The following ETV6 variants were observed in gnomAD, a reference collection of about 807,000 sequenced individuals.
ETV6 encodes the protein ETS variant transcription factor 6, also known as transcription factor ETV6.
Under a neutral mutation model 51.1 loss-of-function variants are expected in ETV6, and 16 were observed. The observed-to-expected ratio is 0.31, with a 90% CI of 0.21 to 0.48. ETV6 has a LOEUF of 0.48. ETV6 is among the 20% of genes least tolerant of loss of function. ETV6 has a pLI of 0.99. For synonymous variants in ETV6, 240 were observed against 224.1 expected, an observed-to-expected ratio of 1.07 and a Z score of -0.64; for missense variants, 458 against 594.8, an observed-to-expected ratio of 0.77 and a Z score of 2.39.
At chr12:11,794,079 C>G (rs1248569130) in intron 2 of ETV6, among the ~76,000 whole-genome samples, 2 of 152,172 alleles carry the variant, frequency 1.3e-5, no homozygotes, top group African/African-American at 4.8e-5. Flanking sequence ...GCCCACAGCA[C>G]TGACGCCCGC....
chr12:11,817,096 A>G (rs977501607), intron 2 of ETV6, among the ~76,000 whole-genome samples: 1 of 152,222 alleles, frequency 6.6e-6, no homozygotes, highest in African/African-American at 2.4e-5. Context: ...CCCCGGTTCC[A>G]GCACTCACTG....
At chr12:11,659,083 G>A (rs1350446869) in intron 1 of ETV6, among the ~76,000 whole-genome samples, 2 of 152,206 alleles carry the variant, frequency 1.3e-5, no homozygotes, top group Non-Finnish European at 2.9e-5. Context: ...GTTTGCTGTG[G>A]GCTGGTGAAT....
intron 2 of ETV6, among the ~76,000 whole-genome samples, chr12:11,760,390 G>A (rs1945067085): frequency 6.6e-6 from 1 of 152,292 alleles, no homozygotes; most frequent in South Asian, 2.1e-4. Flanking sequence ...GATGACGATT[G>A]GATACCTAGA....
At chr12:11,778,453 T>C (rs188296994) in intron 2 of ETV6, among the ~76,000 whole-genome samples, 1 of 152,342 alleles carries the variant, frequency 6.6e-6, no homozygotes, top group East Asian at 1.9e-4. Context: ...GGCAGTGTTT[T>C]CTTGTAACCA....
At chr12:11,707,664 G>A (rs1865097967) in intron 1 of ETV6, among the ~76,000 whole-genome samples, 1 of 152,182 alleles carries the variant, frequency 6.6e-6, no homozygotes, top group African/African-American at 2.4e-5. Context: ...GTAGATTTAT[G>A]GATTCTAATC....
intron 1 of ETV6, among the ~76,000 whole-genome samples, chr12:11,700,722 G>T (rs1349944936): frequency 6.6e-6 from 1 of 152,160 alleles, no homozygotes; most frequent in East Asian, 1.9e-4. Context: ...CATCATAAAG[G>T]TCTTCATCTT....
chr12:11,650,686 T>A (rs1863890797), intron 1 of ETV6, among the ~76,000 whole-genome samples: 1 of 152,056 alleles, frequency 6.6e-6, no homozygotes, highest in South Asian at 2.1e-4. Flanking sequence ...CTCGTCTGAT[T>A]GTAATTGCAA....
intron 1 of ETV6, among the ~76,000 whole-genome samples, chr12:11,679,911 A>G (rs1399123562): frequency 6.6e-6 from 1 of 152,208 alleles, no homozygotes; most frequent in African/African-American, 2.4e-5. Context: ...TCAAGTTTAC[A>G]AATCTCTTCT....
intron 3 of ETV6, among the ~76,000 whole-genome samples, chr12:11,851,376 A>T (rs1946551626): frequency 6.6e-6 from 1 of 152,230 alleles, no homozygotes; most frequent in Non-Finnish European, 1.5e-5. Context: ...GGAAGTCATT[A>T]CACGAAACCA....
At chr12:11,737,003 G>A (rs888091361) in intron 1 of ETV6, among the ~76,000 whole-genome samples, 1 of 152,210 alleles carries the variant, frequency 6.6e-6, no homozygotes, top group Non-Finnish European at 1.5e-5. Flanking sequence ...TGCCTGCAGA[G>A]TTTTGATGAT....
chr12:11,657,672 G>A (rs1467278637), intron 1 of ETV6, among the ~76,000 whole-genome samples: 3 of 152,148 alleles, frequency 2.0e-5, no homozygotes, highest in Non-Finnish European at 4.4e-5. Context: ...TTTGTATGTG[G>A]GAGTCAGATA....
chr12:11,876,831 A>G (rs978373741), intron 5 of ETV6, among the ~76,000 whole-genome samples: 2 of 152,188 alleles, frequency 1.3e-5, no homozygotes, highest in African/African-American at 2.4e-5. Context: ...CATTAATCCT[A>G]CAGCAGGCAA....
chr12:11,796,683 A>G (rs1945681119), intron 2 of ETV6, among the ~76,000 whole-genome samples: 1 of 152,156 alleles, frequency 6.6e-6, no homozygotes, highest in Non-Finnish European at 1.5e-5. Flanking sequence ...AGGCTGTGCA[A>G]TGACAGGTTT....
In ETV6 at chr12:11,895,104, C is replaced by T. The variant is rs1406376382; in HGVS notation, c.*4058C>T. 6.9e-5 allele frequency: 16 copies of T among 233,458 alleles called. No homozygotes were observed. The highest frequency in any genetic ancestry group is 7.6e-5 in the Non-Finnish European group (9 of 117,988). 14.5% of individuals were successfully genotyped at this position (233,458 alleles called of 1,614,324 possible). On this transcript the variant is annotated 3_prime_UTR_variant, in exon 8 of 8. Coordinates refer to ENST00000396373, the MANE Select transcript of ETV6 (RefSeq NM_001987.5). ...GCATCAACACTAAACAGCTGCAGAC[C>T]CCCTGAATCTTTCACACATGCCAAG...
At chr12:11,714,946 A>T (rs1437466289) in intron 1 of ETV6, among the ~76,000 whole-genome samples, 1 of 152,180 alleles carries the variant, frequency 6.6e-6, no homozygotes, top group South Asian at 2.1e-4. Context: ...GGTGGATTGG[A>T]GAAGGAAGAC....
intron 1 of ETV6, among the ~76,000 whole-genome samples, chr12:11,664,101 T>C (rs1385357554): frequency 6.6e-6 from 1 of 152,250 alleles, no homozygotes; most frequent in Non-Finnish European, 1.5e-5. Flanking sequence ...TCCTGTTATG[T>C]GTCTGGTCAT....
At chr12:11,687,016 T>G (rs1258862221) in intron 1 of ETV6, among the ~76,000 whole-genome samples, 9 of 152,060 alleles carry the variant, frequency 5.9e-5, no homozygotes, top group Admixed American at 5.9e-4. Flanking sequence ...CTCCTGAGTA[T>G]CTGGGACTAC....
intron 2 of ETV6, among the ~76,000 whole-genome samples, chr12:11,767,154 T>A (rs1388105622): frequency 6.6e-6 from 1 of 152,222 alleles, no homozygotes; most frequent in African/African-American, 2.4e-5. Context: ...GTTGTCTAAA[T>A]TTAAGGGCCA....
intron 2 of ETV6, among the ~76,000 whole-genome samples, chr12:11,818,231 A>G (rs1476937087): frequency 6.6e-6 from 1 of 152,180 alleles, no homozygotes; most frequent in Non-Finnish European, 1.5e-5. Flanking sequence ...TCAAAAGAGC[A>G]GTGGGGCTGG....
Sources: gnomAD v4.1 joint callset for allele counts (sites outside exome capture counted in the v4.1 genomes callset) on GRCh38, gnomAD v4.1.1 for gene constraint, MANE v1.5 for transcripts, NCBI Gene and HGNC (gene_info 2026-07-23, HGNC 2026-07-21) for gene names.